ZEB2: variants seen among roughly 807,000 people sequenced by gnomAD.
ZEB2 encodes the protein zinc finger E-box binding homeobox 2.
ZEB2 carries 6 observed loss-of-function variants against 99.9 expected under a neutral mutation model. The ratio of observed to expected loss-of-function variants is 0.06; its 90% confidence interval spans 0.03 to 0.12. ZEB2 has a LOEUF of 0.12. Among genes scored for constraint, ZEB2 ranks in the 10% least tolerant of loss-of-function variants. The pLI, the probability that ZEB2 is intolerant of heterozygous loss-of-function variation, is 1.00. For synonymous variants in ZEB2, 517 were observed against 542.5 expected, an observed-to-expected ratio of 0.95 and a Z score of 0.65; for missense variants, 969 against 1,502.8, an observed-to-expected ratio of 0.64 and a Z score of 5.87.
At chr2:144,445,467 T>A (rs192843666) in intron 2 of ZEB2, among the ~76,000 whole-genome samples, 2,428 of 152,184 alleles carry the variant, frequency 0.016, 65 homozygotes, top group African/African-American at 0.054. Flanking sequence ...TCTCCCTCTC[T>A]CTCTCTTTGA....
At chr2:144,390,977 G>A (rs1374760734) in intron 9 of ZEB2, among the ~76,000 whole-genome samples, 1 of 152,224 alleles carries the variant, frequency 6.6e-6, no homozygotes, top group Non-Finnish European at 1.5e-5. Flanking sequence ...TCAGAAATGT[G>A]TCATGTAGAG....
intron 2 of ZEB2, among the ~76,000 whole-genome samples, chr2:144,482,842 G>T (rs1466523566): frequency 6.7e-6 from 1 of 149,500 alleles, no homozygotes; most frequent in African/African-American, 2.5e-5. Flanking sequence ...ACCTCTACCT[G>T]CCTGTTTTAT....
intron 2 of ZEB2, among the ~76,000 whole-genome samples, chr2:144,435,337 G>A (rs113259761): frequency 0.065 from 9,958 of 152,098 alleles, 927 homozygotes; most frequent in African/African-American, 0.21. Flanking sequence ...GCCAGGTATG[G>A]TGGCTCACAC....
chr2:144,513,837 A>AT lies in ZEB2; in HGVS notation c.73+3440_73+3441insA. The stretch of plus-strand genomic sequence containing the variant: ...TGGGGTATAATCAGGGGAAAGAAAA[A>AT]GGGGGGCTGGGTTTTCCCCCTCCTC... On this transcript the variant is annotated intron_variant, in intron 2 of 9. Coordinates refer to ENST00000627532, the MANE Select transcript of ZEB2 (RefSeq NM_014795.4). 2.0e-6 allele frequency: 3 copies of AT among 1,534,780 alleles called. No individual in the cohort carries two copies. In the East Asian group the frequency reaches 7.3e-5, roughly 38 times the overall value.
At position 144,399,385 on chromosome 2, in the gene ZEB2, C is replaced by T; in HGVS notation, c.1802G>A (p.Arg601His). ...PGPIPLHQHE[R>H]YLCKMNEEIK... Reference sequence around the variant, plus strand: ...CTCTTCATTCATCTTACAAAGGTAACGTTCATGCTGATGCAAAGGGATGGG... The same window carrying T: ...CTCTTCATTCATCTTACAAAGGTAATGTTCATGCTGATGCAAAGGGATGGG... The change falls in exon 8 of 10, where the codon CGT becomes CAT. Residue 601 changes from arginine to histidine, a missense_variant. Physicochemically the swap from Arg to His is conservative, Grantham distance 29. Coordinates refer to ENST00000627532, the MANE Select transcript of ZEB2 (RefSeq NM_014795.4). The surrounding 1 kb of genome is among the most constrained non-coding windows in gnomAD (Gnocchi z 5.6). The T allele has an allele frequency of 6.2e-7, 1 of 1,614,138 alleles. No homozygotes were observed. Among genetic ancestry groups the T allele is most frequent in the Non-Finnish European group, 8.5e-7 (1 of 1,180,006 alleles).
Position 144,398,435 on chromosome 2 carries a change from G to A in ZEB2, c.2752C>T (p.Pro918Ser), listed in dbSNP as rs1560605894. 4 of 1,614,076 alleles carry A rather than the reference G, an allele frequency of 2.5e-6. No individual in the cohort carries two copies. The highest frequency in any genetic ancestry group is 1.7e-4 in the Middle Eastern group (1 of 6,034). The change falls in exon 8 of 10, where the codon CCT becomes TCT. Residue 918 changes from proline to serine, a missense_variant. This residue lies in a region of ZEB2 where 346 missense variants were observed against 460.0 expected (regional missense o/e 0.75). Transcript: ENST00000627532. Reference sequence around the variant, plus strand: ...AGTCCTGGGTATGGTCGTAGCCCAGGAATACTGGTCTGGACTGGTGGCATG... The same window carrying A: ...AGTCCTGGGTATGGTCGTAGCCCAGAAATACTGGTCTGGACTGGTGGCATG... ...TFMPPVQTSI[P>S]GLRPYPGLDQ...
chr2:144,401,260 T>C lies in ZEB2; in HGVS notation c.855A>G (p.Thr285=), dbSNP rs1465662006. The change falls in exon 7 of 10, where the codon ACA becomes ACG. Residue 285 remains threonine, a synonymous_variant. Coordinates refer to ENST00000627532, the MANE Select transcript of ZEB2 (RefSeq NM_014795.4). ...TATATTTGAAGGCCTTGCCACACTCTGTGCATTTGAACTTGCGATTACCTG... is the reference window on the plus strand; with the variant it reads ...TATATTTGAAGGCCTTGCCACACTCCGTGCATTTGAACTTGCGATTACCTG... ...QGAGNRKFKC[T]ECGKAFKYKH... The C allele has an allele frequency of 6.2e-7, 1 of 1,614,080 alleles. No individual in the cohort carries two copies. The highest frequency in any genetic ancestry group is 1.3e-5 in the African/African-American group (1 of 74,952).
intron 2 of ZEB2, among the ~76,000 whole-genome samples, chr2:144,484,921 A>G (rs1480707197): frequency 1.3e-5 from 2 of 152,082 alleles, no homozygotes; most frequent in Non-Finnish European, 2.9e-5. Context: ...ATGCAGCTCC[A>G]TAAGTCTAAA....
chr2:144,471,670 G>T (rs1279110405), intron 2 of ZEB2, among the ~76,000 whole-genome samples: 2 of 152,040 alleles, frequency 1.3e-5, no homozygotes, highest in Non-Finnish European at 2.9e-5. Flanking sequence ...TGGACTTTCT[G>T]TAAGAAACAC....
intron 2 of ZEB2, among the ~76,000 whole-genome samples, chr2:144,441,164 C>CGAGAGAGA (rs113731061): frequency 0.22 from 19,308 of 88,706 alleles, 3,142 homozygotes; most frequent in East Asian, 0.3. Flanking sequence ...TTTAGCTGCA[C>CGAGAGAGA]GAGAGAGAGA....
At chr2:144,440,118 C>T (rs1278129879) in intron 2 of ZEB2, among the ~76,000 whole-genome samples, 1 of 152,142 alleles carries the variant, frequency 6.6e-6, no homozygotes, top group African/African-American at 2.4e-5. Flanking sequence ...AAAATGCTTG[C>T]ACTTTGAATG....
intron 2 of ZEB2, among the ~76,000 whole-genome samples, chr2:144,506,531 A>T (rs1349126676): frequency 6.6e-6 from 1 of 152,224 alleles, no homozygotes; most frequent in African/African-American, 2.4e-5. Flanking sequence ...ATGGTGTCTA[A>T]AATAGAAACT....
intron 2 of ZEB2, chr2:144,496,601 T>C (rs553192576): frequency 5.9e-5 from 9 of 152,350 alleles, no homozygotes; most frequent in African/African-American, 1.9e-4. Context: ...CCTGTGTTGC[T>C]TGTAATTCTA....
chr2:144,396,634 GT>G (rs757019064), intron 8 of ZEB2, 42 bp from the exon 9 acceptor site: 11 of 1,598,080 alleles, frequency 6.9e-6, no homozygotes, highest in Non-Finnish European at 6.0e-6. Flanking sequence ...GCTTCTCTTT[GT>G]GCTCACACCA....
At chr2:144,435,114 G>A (rs1422381624) in intron 2 of ZEB2, among the ~76,000 whole-genome samples, 1 of 152,114 alleles carries the variant, frequency 6.6e-6, no homozygotes, top group African/African-American at 2.4e-5. Context: ...TGGTGGCTAC[G>A]AGGAAAAAGG....
At chr2:144,499,350 C>T (rs1412587267) in intron 2 of ZEB2, among the ~76,000 whole-genome samples, 5 of 152,094 alleles carry the variant, frequency 3.3e-5, no homozygotes, top group Non-Finnish European at 5.9e-5. Context: ...AAAAGTCTAG[C>T]GGTTTAATAG....
chr2:144,517,834 C>A, intron 1 of ZEB2: 4 of 588,236 alleles, frequency 6.8e-6, no homozygotes, highest in Non-Finnish European at 3.1e-6. Context: ...CTCATCCCCC[C>A]ACCCCCCAAT....
In ZEB2 at chr2:144,389,776, A is replaced by T. The variant is rs1703131810; in HGVS notation, c.3320T>A (p.Leu1107Gln). The part of the protein sequence containing the change: ...EKGHLEPTEL[L>Q]MNRAYLQSIT... ...GCTCTGCAAGTAAGCCCGGTTCATC[A>T]GCAGCTCGGTGGGTTCCAAGTGCCC... Residue 1107 changes from leucine (L) to glutamine (Q), a missense_variant, in exon 10 of 10, where the codon CTG becomes CAG. By Grantham distance (113) the Leu-to-Gln change is moderately radical (BLOSUM62 -2). Around this residue, in one of 8 missense-constraint regions of ZEB2, gnomAD observed 121 missense variants for 166.4 expected, o/e 0.73. Coordinates refer to ENST00000627532, the MANE Select transcript of ZEB2 (RefSeq NM_014795.4). The surrounding 1 kb of genome is among the most constrained non-coding windows in gnomAD (Gnocchi z 6.8). The T allele has an allele frequency of 6.2e-7, 1 of 1,609,076 alleles. No individual in the cohort carries two copies. The highest frequency in any genetic ancestry group is 1.1e-5 in the South Asian group (1 of 90,726).
intron 9 of ZEB2, among the ~76,000 whole-genome samples, chr2:144,395,373 C>T (rs771994510): frequency 2.6e-5 from 4 of 151,990 alleles, no homozygotes; most frequent in African/African-American, 9.7e-5. Context: ...GCTTTCCCCC[C>T]AAAGTGCTAG....
Sources: gnomAD v4.1 joint callset for allele counts (sites outside exome capture counted in the v4.1 genomes callset) on GRCh38, gnomAD v4.1.1 for gene constraint, gnomAD v4.1.1 regional missense constraint, Gnocchi (gnomAD v3.1) non-coding constraint, MANE v1.5 for transcripts, NCBI Gene and HGNC (gene_info 2026-07-23, HGNC 2026-07-21) for gene names.